The following FRY variants were observed in gnomAD, a reference collection of about 807,000 sequenced individuals.
The protein encoded by FRY is FRY microtubule binding protein, also known as protein furry homolog.
FRY carries 128 observed loss-of-function variants against 348.4 expected under a neutral mutation model. The observed-to-expected ratio is 0.37, with a 90% CI of 0.32 to 0.43. FRY has a LOEUF of 0.43. Ranked by LOEUF, FRY falls within the 20% of genes least tolerant of loss-of-function variation. FRY has a pLI of 1.00. For synonymous variants in FRY, 1,370 were observed against 1,374.7 expected (o/e 1.00, Z 0.08); for missense variants, 2,736 against 3,695.2 (o/e 0.74, Z 6.73).
intron 14 of FRY, among the ~76,000 whole-genome samples, chr13:32,155,269 A>G (rs1237496715): frequency 6.6e-6 from 1 of 152,212 alleles, no homozygotes; most frequent in Non-Finnish European, 1.5e-5. Context: ...TGCCCTCCAC[A>G]GTCGGTGAAA....
At chr13:32,111,335 A>C (rs1042642135) in intron 3 of FRY, among the ~76,000 whole-genome samples, 13 of 144,898 alleles carry the variant, frequency 9.0e-5, no homozygotes, top group Admixed American at 5.5e-4. Context: ...TAAAAATACC[A>C]AAAAAAAAAA....
At chr13:32,151,034 G>A (rs546811312) in intron 14 of FRY, among the ~76,000 whole-genome samples, 5 of 152,316 alleles carry the variant, frequency 3.3e-5, no homozygotes, top group Non-Finnish European at 7.4e-5. Context: ...TGGGCTGGAA[G>A]GAGGCCCAGA....
In FRY at chr13:32,262,379, G is replaced by T; in HGVS notation, c.7683G>T (p.Ser2561=). The T allele has an allele frequency of 1.2e-6, 2 of 1,613,252 alleles. No homozygotes were observed. The highest frequency in any genetic ancestry group is 8.5e-7 in the Non-Finnish European group (1 of 1,179,322). Residue 2561 remains serine (S), a synonymous_variant, in exon 53 of 61, where the codon TCG becomes TCT. Transcript: ENST00000542859. ...AGCTGCTCACCACAGCCTGTGACTCGACCCCTGCAGAACCTCATTCCTTTA... is the reference window on the plus strand; with the variant it reads ...AGCTGCTCACCACAGCCTGTGACTCTACCCCTGCAGAACCTCATTCCTTTA... ...PMELLTTACD[S]TPAEPHSFNT...
intron 11 of FRY, among the ~76,000 whole-genome samples, chr13:32,141,503 T>A (rs1450404781): frequency 6.6e-6 from 1 of 152,200 alleles, no homozygotes; most frequent in Non-Finnish European, 1.5e-5. Context: ...TCTCACTAGG[T>A]CTTTACCTTA....
At chr13:32,070,623 CAG>C (rs1344989531) in intron 1 of FRY, among the ~76,000 whole-genome samples, 5 of 150,548 alleles carry the variant, frequency 3.3e-5, no homozygotes, top group African/African-American at 1.2e-4. Flanking sequence ...AGCCCTTTGT[CAG>C]ATGGGTAGAT....
At chr13:32,192,342 C>T (rs1421772564) in intron 28 of FRY, among the ~76,000 whole-genome samples, 2 of 151,796 alleles carry the variant, frequency 1.3e-5, no homozygotes, top group East Asian at 2.0e-4. Flanking sequence ...TCTGTCCCCC[C>T]GGCTGGAGTG....
intron 4 of FRY, among the ~76,000 whole-genome samples, chr13:32,123,762 A>T (rs1047108692): frequency 3.9e-5 from 6 of 152,202 alleles, no homozygotes; most frequent in African/African-American, 1.4e-4. Context: ...TTTGAAGTCA[A>T]ATATTCCGAC....
At chr13:32,283,847 G>C (rs1888928463) in intron 58 of FRY, among the ~76,000 whole-genome samples, 1 of 152,156 alleles carries the variant, frequency 6.6e-6, no homozygotes, top group Non-Finnish European at 1.5e-5. Context: ...ACATCAAAAG[G>C]AGAAAAATCT....
chr13:32,070,294 C>G (rs1268589623), intron 1 of FRY, among the ~76,000 whole-genome samples: 1 of 152,228 alleles, frequency 6.6e-6, no homozygotes, highest in Admixed American at 6.5e-5. Context: ...GCCACACAGT[C>G]TTTCTTCCAA....
chr13:32,227,497 A>G (rs1318461991), intron 39 of FRY, among the ~76,000 whole-genome samples: 1 of 152,198 alleles, frequency 6.6e-6, no homozygotes, highest in Non-Finnish European at 1.5e-5. Flanking sequence ...TAAATAGGGG[A>G]AAAGGGATAG....
At position 32,298,153 on chromosome 13, in the gene FRY, T is replaced by C. The variant is rs1371392236; in HGVS notation, c.*2693T>C. 1 of 152,202 alleles carries C rather than the reference T, an allele frequency of 6.6e-6. No individual in the cohort carries two copies. Among genetic ancestry groups the C allele is most frequent in the East Asian group, 1.9e-4 (1 of 5,196 alleles). 9.4% of individuals were successfully genotyped at this position (152,202 alleles called of 1,614,324 possible). On this transcript the variant is annotated 3_prime_UTR_variant, in exon 61 of 61. Transcript: ENST00000542859. ...TAATTAATTGTAGGCATCACACACA[T>C]GCGTGAACATCCAGAGTTAGGTCTC...
At chr13:32,202,823 G>A (rs1341476870) in intron 31 of FRY, among the ~76,000 whole-genome samples, 2 of 151,900 alleles carry the variant, frequency 1.3e-5, no homozygotes, top group Non-Finnish European at 2.9e-5. Flanking sequence ...GGTGGTGTGT[G>A]CCTGTAATCC....
At chr13:32,074,502 A>G (rs1181216621) in intron 1 of FRY, among the ~76,000 whole-genome samples, 4 of 152,168 alleles carry the variant, frequency 2.6e-5, no homozygotes, top group Non-Finnish European at 5.9e-5. Flanking sequence ...CTTTTTAGAG[A>G]CATTGAGCTG....
chr13:32,087,736 G>A (rs80030222), intron 2 of FRY, among the ~76,000 whole-genome samples: 11 of 152,168 alleles, frequency 7.2e-5, no homozygotes, highest in African/African-American at 2.7e-4. Flanking sequence ...ATTCACATGA[G>A]TGATGTGTGT....
At chr13:32,193,305 A>G (rs1883464475) in intron 28 of FRY, among the ~76,000 whole-genome samples, 2 of 151,804 alleles carry the variant, frequency 1.3e-5, no homozygotes, top group Admixed American at 1.3e-4. Context: ...CCTCATAATC[A>G]TATTTCCTCT....
At chr13:32,047,704 G>A (rs1025906618) in intron 1 of FRY, among the ~76,000 whole-genome samples, 4 of 150,500 alleles carry the variant, frequency 2.7e-5, no homozygotes, top group Non-Finnish European at 5.9e-5. Context: ...CCAAGTAGCT[G>A]GGATTATAGG....
intron 4 of FRY, among the ~76,000 whole-genome samples, chr13:32,122,656 T>C (rs1046235709): frequency 4.6e-5 from 7 of 152,154 alleles, no homozygotes; most frequent in Non-Finnish European, 8.8e-5. Context: ...TCAGCACTCT[T>C]CTTTAACATA....
At chr13:32,046,825 T>C (rs778878788) in intron 1 of FRY, among the ~76,000 whole-genome samples, 2 of 152,232 alleles carry the variant, frequency 1.3e-5, no homozygotes, top group Non-Finnish European at 2.9e-5. Flanking sequence ...GACCACGAGA[T>C]TCATTAATTT....
chr13:32,143,254 T>A (rs557293846), intron 11 of FRY, among the ~76,000 whole-genome samples: 49 of 152,306 alleles, frequency 3.2e-4, no homozygotes, highest in African/African-American at 1.2e-3. Context: ...ATATCATTTG[T>A]GCAAGAATGG....
Sources: allele counts gnomAD v4.1 joint callset (sites outside exome capture counted in the v4.1 genomes callset), GRCh38; gene constraint gnomAD v4.1.1; transcripts MANE v1.5; gene names NCBI Gene and HGNC (gene_info 2026-07-23, HGNC 2026-07-21).